Variants in AKAP1 observed in about 807,000 individuals in gnomAD.
AKAP1 encodes A-kinase anchor protein 1, mitochondrial.
A neutral mutation model predicts 79.8 loss-of-function variants in AKAP1; 32 were observed. The observed-to-expected ratio is 0.40, with a 90% CI of 0.30 to 0.54. The LOEUF is 0.54. Ranked by LOEUF, AKAP1 falls within the 20% of genes least tolerant of loss-of-function variation. The pLI is 0.47. For missense variants in AKAP1, 961 were observed against 1,138.9 expected, an observed-to-expected ratio of 0.84 and a Z score of 2.25; for synonymous variants, 416 against 466.7, an observed-to-expected ratio of 0.89 and a Z score of 1.40.
At position 57,107,933 on chromosome 17, in the gene AKAP1, T is replaced by G. The variant is rs535473540; in HGVS notation, c.1714+755T>G. 2,959 of 1,288,188 alleles carry G rather than the reference T, an allele frequency of 2.3e-3. 7 individuals are homozygous for G. Among genetic ancestry groups the G allele is most frequent in the South Asian group, 2.9e-3 (233 of 80,990 alleles). The allele number at this position is 1,288,188 out of a possible 1,614,324, so 79.8% of individuals were successfully genotyped here. Reference sequence around the variant, plus strand: ...CCTTTGCAGAAAGCCTCAGCCATTTTCTTTCTGTGCAGTTGCAGCTCCACC... The same window carrying G: ...CCTTTGCAGAAAGCCTCAGCCATTTGCTTTCTGTGCAGTTGCAGCTCCACC... On this transcript the variant is annotated intron_variant, in intron 2 of 10. Coordinates refer to ENST00000337714, the MANE Select transcript of AKAP1 (RefSeq NM_003488.4).
intron 4 of AKAP1, 74 bp downstream of exon 4, chr17:57,111,998 A>G: frequency 1.3e-6 from 2 of 1,547,138 alleles, no homozygotes; most frequent in South Asian, 2.3e-5. Context: ...CTGAGTTTCA[A>G]TTGCTATCTT....
At chr17:57,109,277 TGA>T (rs1377707609) in intron 2 of AKAP1, among the ~76,000 whole-genome samples, 2 of 152,054 alleles carry the variant, frequency 1.3e-5, no homozygotes, top group Non-Finnish European at 1.5e-5. Context: ...CGCTCTTGAG[TGA>T]GAGTGGAACA....
chr17:57,120,569 TTAAAA>T lies in AKAP1; in HGVS notation c.*246_*250del. The stretch of plus-strand genomic sequence containing the variant: ...CTGGCTTATGCTGGTTCTCAGCTGT[TTAAAA>T]AAAAAAAAAAAAAGGAATAGAAACA... On this transcript the variant is annotated 3_prime_UTR_variant, in exon 11 of 11. Coordinates refer to ENST00000337714, the MANE Select transcript of AKAP1 (RefSeq NM_003488.4). The T allele has an allele frequency of 3.3e-6, 1 of 306,216 alleles. No homozygotes were observed. Among genetic ancestry groups the T allele is most frequent in the Non-Finnish European group, 5.8e-6 (1 of 171,138 alleles). The allele number at this position is 306,216 out of a possible 1,614,324, so 19.0% of individuals were successfully genotyped here.
At chr17:57,117,420 T>C (rs530611779) in intron 8 of AKAP1, among the ~76,000 whole-genome samples, 3 of 152,296 alleles carry the variant, frequency 2.0e-5, no homozygotes, top group Admixed American at 2.0e-4. Context: ...GGTACCTGTC[T>C]TTGATGCTGG....
At chr17:57,096,353 C>G (rs1914112397) in intron 1 of AKAP1, 1 of 152,208 alleles carries the variant, frequency 6.6e-6, no homozygotes, top group African/African-American at 2.4e-5. Context: ...TTCTGGCCTT[C>G]CTTCTGTGAA....
intron 5 of AKAP1, 98 bp downstream of exon 5, chr17:57,112,716 G>A: frequency 6.8e-7 from 1 of 1,469,642 alleles, no homozygotes. Context: ...AAGGCCAAGT[G>A]CACATGAGTG....
intron 2 of AKAP1, chr17:57,108,106 T>C (rs911970984): frequency 6.0e-6 from 6 of 1,001,028 alleles, no homozygotes; most frequent in Non-Finnish European, 7.6e-6. Flanking sequence ...ATTTATCTCA[T>C]GGAGAGAGGC....
At chr17:57,100,428 AACACACACACACACACACGC>A (rs1914422073) in intron 1 of AKAP1, among the ~76,000 whole-genome samples, 1 of 149,704 alleles carries the variant, frequency 6.7e-6, no homozygotes, top group African/African-American at 2.5e-5. Flanking sequence ...TCTCTGCTAA[AACACACACACACACACACGC>A]ACACACACAC....
intron 1 of AKAP1, among the ~76,000 whole-genome samples, chr17:57,098,760 A>ATTTTTT (rs1170190519): frequency 8.1e-6 from 1 of 122,870 alleles, no homozygotes; most frequent in African/African-American, 3.1e-5. Context: ...GGGCTAGCTG[A>ATTTTTT]TTTTTTTTTT....
Position 57,106,286 on chromosome 17 carries a change from G to T in AKAP1, c.822G>T (p.Ser274=). The change falls in exon 2 of 11, where the codon TCG becomes TCT. Residue 274 remains serine, a synonymous_variant. Transcript: ENST00000337714. ...AGTTGCCAAGTAGGTTCATCGAGTC[G>T]GCTCACACAGAGCTGGCAAAGGACG... is the stretch of plus-strand genomic sequence containing the variant. ...AEKLPSRFIE[S]AHTELAKDDA... 1.9e-6 allele frequency: 3 copies of T among 1,614,158 alleles called. No individual in the cohort carries two copies. Among genetic ancestry groups the T allele is most frequent in the Non-Finnish European group, 1.7e-6 (2 of 1,180,018 alleles).
chr17:57,116,509 T>G (rs1157604196), intron 7 of AKAP1, among the ~76,000 whole-genome samples: 1 of 152,214 alleles, frequency 6.6e-6, no homozygotes, highest in East Asian at 1.9e-4. Flanking sequence ...CCAGGCGTGG[T>G]GGCCTGCTGC....
chr17:57,108,042 C>T (rs1400284335), intron 2 of AKAP1: 3 of 1,224,630 alleles, frequency 2.4e-6, no homozygotes, highest in Non-Finnish European at 3.1e-6. Flanking sequence ...AGACCGCTAA[C>T]TTACAGGTCA....
At chr17:57,107,985 C>T (rs776149278) in intron 2 of AKAP1, 9 of 1,289,092 alleles carry the variant, frequency 7.0e-6, no homozygotes, top group South Asian at 6.2e-5. Flanking sequence ...ACTTTGATAA[C>T]GAGGTGTCCT....
Position 57,120,386 on chromosome 17 carries a change from T to G in AKAP1, c.*62T>G. On this transcript the variant is annotated 3_prime_UTR_variant, in exon 11 of 11. Transcript: ENST00000337714. ...GTTGAAATTGGGCTTGGCACTCAAG[T>G]CAAAGATGAACATCGGAATAACAAA... 1 of 1,438,604 alleles carries G rather than the reference T, an allele frequency of 7.0e-7. No homozygotes were observed. Among genetic ancestry groups the G allele is most frequent in the Non-Finnish European group, 9.7e-7 (1 of 1,034,312 alleles). 89.1% of individuals were successfully genotyped at this position (1,438,604 alleles called of 1,614,324 possible).
At chr17:57,110,276 C>T in intron 3 of AKAP1, 118 bp downstream of exon 3, 1 of 1,406,548 alleles carries the variant, frequency 7.1e-7, no homozygotes, top group East Asian at 2.3e-5. Context: ...AGAAGGAGCC[C>T]TGGGTCAGCC....
chr17:57,110,325 G>C (rs1048367780), intron 3 of AKAP1, among the ~76,000 whole-genome samples, 167 bp downstream of exon 3: 3 of 152,194 alleles, frequency 2.0e-5, no homozygotes, highest in Non-Finnish European at 4.4e-5. Context: ...CTTTGCCAAG[G>C]CTCAGAGAGC....
chr17:57,108,889 G>C (rs945251483), intron 2 of AKAP1, among the ~76,000 whole-genome samples: 8 of 152,108 alleles, frequency 5.3e-5, no homozygotes, highest in Admixed American at 4.6e-4. Flanking sequence ...AGTGAGCAGA[G>C]CTCCCCGCCC....
In AKAP1 at chr17:57,112,537, G is replaced by A; in HGVS notation, c.2022G>A (p.Lys674=). 3 of 1,614,190 alleles carry A rather than the reference G, an allele frequency of 1.9e-6. No homozygotes were observed. The highest frequency in any genetic ancestry group is 2.5e-6 in the Non-Finnish European group (3 of 1,180,028). The part of the protein sequence containing the change: ...VDKALNLIGK[K]FKELNLTNIY... Reference sequence around the variant, plus strand: ...AAGCGCTGAACTTGATTGGGAAGAAGTTCAAAGAGCTGAACCTCACCAATA... The same window carrying A: ...AAGCGCTGAACTTGATTGGGAAGAAATTCAAAGAGCTGAACCTCACCAATA... The change falls in exon 5 of 11, where the codon AAG becomes AAA. Residue 674 remains lysine, a synonymous_variant. Coordinates refer to ENST00000337714, the MANE Select transcript of AKAP1 (RefSeq NM_003488.4).
chr17:57,099,944 C>T (rs1192607303), intron 1 of AKAP1, among the ~76,000 whole-genome samples: 1 of 152,092 alleles, frequency 6.6e-6, no homozygotes, highest in African/African-American at 2.4e-5. Flanking sequence ...CTTATGGGAT[C>T]TTGGGAGGCT....
Sources: gnomAD v4.1 joint callset for allele counts (sites outside exome capture counted in the v4.1 genomes callset) on GRCh38, gnomAD v4.1.1 for gene constraint, MANE v1.5 for transcripts, NCBI Gene and HGNC (gene_info 2026-07-23, HGNC 2026-07-21) for gene names.